Variants in CD99 observed in about 807,000 individuals in gnomAD.
The protein encoded by CD99 is CD99 antigen.
A neutral mutation model predicts 28.4 loss-of-function variants in CD99; 19 were observed. That is an observed-to-expected ratio of 0.67 (90% CI 0.47 to 0.98). The LOEUF (loss-of-function observed/expected upper bound fraction) is 0.98. CD99 is among the 50% of genes least tolerant of loss of function. CD99 has a pLI of 0.00. For synonymous variants in CD99, 103 were observed against 92.1 expected, an observed-to-expected ratio of 1.12 and a Z score of -0.67; for missense variants, 283 against 248.8, an observed-to-expected ratio of 1.14 and a Z score of -0.92.
rs199882291 is a variant in CD99, at chrX:2,741,038, CG to C, written c.*241del. 16 of 574,446 alleles carry C rather than the reference CG, an allele frequency of 2.8e-5. No homozygotes were observed. Among genetic ancestry groups the C allele is most frequent in the South Asian group, 6.9e-5 (3 of 43,716 alleles). The allele number at this position is 574,446 out of a possible 1,614,324, so 35.6% of individuals were successfully genotyped here. A position where few individuals can be genotyped will look rare whatever the true frequency, so the allele number is the denominator to read the frequency against. ...ACTTGGACCCCCATTCTCCAAGGCC[CG>C]GGGGGGCGGTTTCCCATGGGATGTG... On this transcript the variant is annotated 3_prime_UTR_variant, in exon 10 of 10. Transcript: ENST00000381192.
At chrX:2,700,561 TATCCATCC>T (rs368305179) in intron 1 of CD99, among the ~76,000 whole-genome samples, 422 of 150,026 alleles carry the variant, frequency 2.8e-3, no homozygotes, top group Middle Eastern at 6.9e-3. Context: ...TCCATCCATT[TATCCATCC>T]ATCCATCCAT....
At chrX:2,731,325 T>C (rs1684022) in intron 8 of CD99, among the ~76,000 whole-genome samples, 11,087 of 152,104 alleles carry the variant, frequency 0.073, 1,318 homozygotes, top group African/African-American at 0.25. Context: ...CGCGGTGGCT[T>C]ACGCCTGTAA....
intron 1 of CD99, among the ~76,000 whole-genome samples, chrX:2,701,632 G>A (rs1182374680): frequency 6.6e-6 from 1 of 152,254 alleles, no homozygotes; most frequent in Non-Finnish European, 1.5e-5. Flanking sequence ...TGATGGGGCA[G>A]CTGCAGTTCA....
chrX:2,736,861 AAATAAT>A lies in CD99; in HGVS notation c.476-1327_476-1322del, dbSNP rs904289892. On this transcript the variant is annotated intron_variant, in intron 8 of 9. Coordinates refer to ENST00000381192, the MANE Select transcript of CD99 (RefSeq NM_002414.5). ...GACAGAGCGAGACTCTGTCTCAAAGAAATAATAATAATAATAAATAAATAAATAAAT... is the reference window on the plus strand; with the variant it reads ...GACAGAGCGAGACTCTGTCTCAAAGAAATAATAATAAATAAATAAATAAAT... Among the ~76,000 whole-genome samples the A allele has an allele frequency of 6.0e-5, 9 of 149,616 alleles. No homozygotes were observed. In the South Asian group the frequency reaches 6.3e-4, roughly 10 times the overall value.
At position 2,740,980 on chromosome X, in the gene CD99, A is replaced by G; in HGVS notation, c.*176A>G. On this transcript the variant is annotated 3_prime_UTR_variant, in exon 10 of 10. Coordinates refer to ENST00000381192, the MANE Select transcript of CD99 (RefSeq NM_002414.5). ...TGTTGCTGGGCGGATGATGTTTACT[A>G]ACGATGAATTTTACATCCAAAGGGG... 1.3e-6 allele frequency: 1 copy of G among 747,666 alleles called. No individual in the cohort carries two copies. The highest frequency in any genetic ancestry group is 2.3e-6 in the Non-Finnish European group (1 of 432,748). The allele number at this position is 747,666 out of a possible 1,614,324, so 46.3% of individuals were successfully genotyped here.
intron 1 of CD99, among the ~76,000 whole-genome samples, chrX:2,703,287 G>A (rs183500927): frequency 2.0e-5 from 3 of 152,236 alleles, no homozygotes; most frequent in East Asian, 1.9e-4. Flanking sequence ...GCTACCTAGC[G>A]TCCCTAAGTA....
At chrX:2,716,099 A>G (rs2048698285) in intron 2 of CD99, among the ~76,000 whole-genome samples, 1 of 149,908 alleles carries the variant, frequency 6.7e-6, no homozygotes, top group African/African-American at 2.5e-5. Flanking sequence ...GCTCACTGCA[A>G]CCTCTGCCTC....
Position 2,722,618 on chromosome X carries a change from C to G in CD99, c.263-9C>G, listed in dbSNP as rs763625884. On this transcript the variant is annotated splice_polypyrimidine_tract_variant and intron_variant, in intron 5 of 9. Transcript: ENST00000381192. ...AGGTTGACAGGTGATGCTGTATTTT[C>G]TTTCCTAGGTAGCTTTTCAGATGCT... is the stretch of plus-strand genomic sequence containing the variant. 2 of 1,613,876 alleles carry G rather than the reference C, an allele frequency of 1.2e-6. No individual in the cohort carries two copies. Among genetic ancestry groups the G allele is most frequent in the Admixed American group, 3.3e-5 (2 of 60,006 alleles).
chrX:2,720,547 A>G (rs915302939), intron 5 of CD99, 123 bp downstream of exon 5: 5 of 765,686 alleles, frequency 6.5e-6, no homozygotes, highest in Non-Finnish European at 1.1e-5. Context: ...GTGCAGTGTA[A>G]TGCCCATGTT....
chrX:2,715,115 CCTT>C (rs1362221384), intron 2 of CD99: 4 of 152,282 alleles, frequency 2.6e-5, no homozygotes, highest in Admixed American at 6.5e-5. Flanking sequence ...GCCACTCCTT[CCTT>C]CTTCTGCAGC....
intron 8 of CD99, among the ~76,000 whole-genome samples, chrX:2,728,336 C>T (rs961951443): frequency 1.3e-5 from 2 of 151,194 alleles, no homozygotes; most frequent in Non-Finnish European, 2.9e-5. Flanking sequence ...GCTGGGATTA[C>T]AGATGTGCAC....
intron 1 of CD99, among the ~76,000 whole-genome samples, chrX:2,697,700 A>G (rs905499027): frequency 6.6e-6 from 1 of 152,036 alleles, no homozygotes; most frequent in African/African-American, 2.4e-5. Context: ...AGATTTTATA[A>G]CTACTGCCAG....
intron 8 of CD99, among the ~76,000 whole-genome samples, chrX:2,733,945 AAAAC>A (rs2049805727): frequency 6.6e-6 from 1 of 152,220 alleles, no homozygotes. Context: ...GGTTCCTAGA[AAAAC>A]AAAATTCATA....
chrX:2,715,622 C>T (rs2048663617), intron 2 of CD99: 1 of 151,760 alleles, frequency 6.6e-6, no homozygotes, highest in African/African-American at 2.4e-5. Flanking sequence ...CAAATAAAGT[C>T]TCATTACCAG....
At chrX:2,740,106 A>ATAG (rs2050131959) in intron 9 of CD99, among the ~76,000 whole-genome samples, 3 of 151,764 alleles carry the variant, frequency 2.0e-5, no homozygotes, top group Admixed American at 2.0e-4. Context: ...AATAATAATA[A>ATAG]TAATAATAAA....
chrX:2,719,490 A>T, intron 3 of CD99, 171 bp from the exon 4 acceptor site: 1 of 679,782 alleles, frequency 1.5e-6, no homozygotes, highest in South Asian at 1.8e-5. Flanking sequence ...GAGAATAGTG[A>T]TGTAAAAATG....
intron 1 of CD99, among the ~76,000 whole-genome samples, chrX:2,713,984 C>T (rs2048567306): frequency 6.6e-6 from 1 of 151,946 alleles, no homozygotes; most frequent in African/African-American, 2.4e-5. Context: ...TTTTTTAATG[C>T]ATAATGCACG....
At chrX:2,739,905 G>T in intron 9 of CD99, among the ~76,000 whole-genome samples, 1 of 138,818 alleles carries the variant, frequency 7.2e-6, no homozygotes, top group African/African-American at 2.7e-5. Context: ...GAGAAACCAC[G>T]TCTCTACTAA....
chrX:2,738,310 T>C, intron 9 of CD99, 54 bp downstream of exon 9: 5 of 1,527,238 alleles, frequency 3.3e-6, no homozygotes, highest in Admixed American at 1.7e-5. Flanking sequence ...TCCCATTTTA[T>C]CTTCTCCATC....
Sources: allele counts gnomAD v4.1 joint callset (sites outside exome capture counted in the v4.1 genomes callset), GRCh38; gene constraint gnomAD v4.1.1; transcripts MANE v1.5; gene names NCBI Gene and HGNC (gene_info 2026-07-23, HGNC 2026-07-21).